Variants in ITGA8 observed in about 807,000 individuals in gnomAD.
ITGA8 encodes the protein integrin subunit alpha 8.
A neutral mutation model predicts 142.3 loss-of-function variants in ITGA8; 91 were observed. The observed-to-expected ratio is 0.64, with a 90% CI of 0.54 to 0.76. ITGA8 has a LOEUF of 0.76. Among genes scored for constraint, ITGA8 ranks in the 30% least tolerant of loss-of-function variants. The pLI, the probability that ITGA8 is intolerant of heterozygous loss-of-function variation, is 0.00. For synonymous variants in ITGA8, 505 were observed against 485.2 expected, an observed-to-expected ratio of 1.04 and a Z score of -0.54; for missense variants, 1,406 against 1,327.7, an observed-to-expected ratio of 1.06 and a Z score of -0.92.
chr10:15,548,786 G>A (rs568991627), intron 26 of ITGA8, among the ~76,000 whole-genome samples: 2 of 152,182 alleles, frequency 1.3e-5, no homozygotes, highest in African/African-American at 2.4e-5. Flanking sequence ...AGCTCTTTTC[G>A]AACGACTTTA....
intron 2 of ITGA8, among the ~76,000 whole-genome samples, chr10:15,691,396 GTTCAT>G (rs1834931164): frequency 1.3e-5 from 2 of 152,200 alleles, no homozygotes; most frequent in African/African-American, 2.4e-5. Flanking sequence ...GCACCCCCAT[GTTCAT>G]GGCAGCACTG....
At chr10:15,647,079 C>A (rs761173685) in intron 11 of ITGA8, 28 bp from the exon 12 acceptor site, 25 of 1,556,334 alleles carry the variant, frequency 1.6e-5, no homozygotes, top group Non-Finnish European at 2.1e-5. Context: ...AGCAGCTCAG[C>A]ACGCTAGCAG....
chr10:15,558,563 G>A lies in ITGA8; in HGVS notation c.2638-361C>T, dbSNP rs563250334. Among the ~76,000 whole-genome samples the A allele has an allele frequency of 3.3e-5, 5 of 152,244 alleles. 1 individual carries two copies. In the South Asian group the frequency reaches 6.2e-4, roughly 19 times the overall value. On this transcript the variant is annotated intron_variant, in intron 25 of 29. Transcript: ENST00000378076. Reference sequence around the variant, plus strand: ...ATTACTTTCCTCTCATTGTAGAGTGGGGCCAGTTAAACTGAGGAACGTTCT... The same window carrying A: ...ATTACTTTCCTCTCATTGTAGAGTGAGGCCAGTTAAACTGAGGAACGTTCT...
chr10:15,686,818 G>A (rs952991374), intron 3 of ITGA8, among the ~76,000 whole-genome samples: 12 of 151,916 alleles, frequency 7.9e-5, no homozygotes, highest in South Asian at 2.1e-4. Context: ...TTATGAACAC[G>A]GTGTATTATT....
intron 13 of ITGA8, among the ~76,000 whole-genome samples, chr10:15,622,976 A>C (rs951689982): frequency 1.3e-5 from 2 of 152,168 alleles, no homozygotes; most frequent in Non-Finnish European, 2.9e-5. Context: ...TAGAGAGCAG[A>C]GGTATGCTTA....
intron 25 of ITGA8, among the ~76,000 whole-genome samples, chr10:15,570,497 CT>C (rs547232773): frequency 2.3e-3 from 346 of 151,394 alleles, no homozygotes; most frequent in Non-Finnish European, 4.0e-3. Flanking sequence ...GTAATCCCAG[CT>C]ACTTGGGAGG....
chr10:15,600,896 A>G (rs1298164354), intron 20 of ITGA8, among the ~76,000 whole-genome samples: 1 of 152,120 alleles, frequency 6.6e-6, no homozygotes, highest in Non-Finnish European at 1.5e-5. Context: ...GGCTGGCATC[A>G]CTTTAGGTAT....
intron 27 of ITGA8, among the ~76,000 whole-genome samples, chr10:15,532,752 C>T (rs1220998381): frequency 6.6e-6 from 1 of 151,744 alleles, no homozygotes; most frequent in Non-Finnish European, 1.5e-5. Context: ...CATTTCAAGA[C>T]TTTTGGGTGC....
intron 21 of ITGA8, among the ~76,000 whole-genome samples, chr10:15,592,759 C>G (rs143079827): frequency 7.9e-5 from 12 of 152,138 alleles, no homozygotes; most frequent in Non-Finnish European, 1.5e-4. Flanking sequence ...TGCACACCAC[C>G]ACACCTGGTT....
At chr10:15,614,311 C>T (rs1833355462) in intron 14 of ITGA8, among the ~76,000 whole-genome samples, 1 of 152,238 alleles carries the variant, frequency 6.6e-6, no homozygotes, top group African/African-American at 2.4e-5. Flanking sequence ...GCAGGGTTTG[C>T]AGAATAATTC....
chr10:15,701,953 T>A (rs1287213610), intron 2 of ITGA8, among the ~76,000 whole-genome samples: 1 of 152,216 alleles, frequency 6.6e-6, no homozygotes, highest in African/African-American at 2.4e-5. Context: ...AATACTCGTA[T>A]GTATAATTCA....
At chr10:15,546,224 C>T (rs1201223151) in intron 27 of ITGA8, among the ~76,000 whole-genome samples, 1 of 152,202 alleles carries the variant, frequency 6.6e-6, no homozygotes, top group Non-Finnish European at 1.5e-5. Context: ...CTTCCCGGCA[C>T]TGATGCATCT....
intron 2 of ITGA8, among the ~76,000 whole-genome samples, chr10:15,707,681 T>C (rs1475795151): frequency 2.0e-5 from 3 of 151,520 alleles, no homozygotes; most frequent in Admixed American, 6.6e-5. Flanking sequence ...AAATTAGCCA[T>C]GTGTGGTGGT....
intron 13 of ITGA8, among the ~76,000 whole-genome samples, chr10:15,638,835 T>C (rs1197939533): frequency 1.3e-5 from 2 of 152,060 alleles, no homozygotes; most frequent in Non-Finnish European, 2.9e-5. Flanking sequence ...GTGAGTAAAT[T>C]TTAAAAGGAT....
rs189327679 is a variant in ITGA8, at chr10:15,623,530, A to G, written c.1400-6971T>C. Among the ~76,000 whole-genome samples the G allele has an allele frequency of 1.4e-3, 213 of 152,186 alleles. 1 individual carries two copies. Among genetic ancestry groups the G allele is most frequent in the Admixed American group, 2.6e-3 (40 of 15,282 alleles). On this transcript the variant is annotated intron_variant, in intron 13 of 29. Coordinates refer to ENST00000378076, the MANE Select transcript of ITGA8 (RefSeq NM_003638.3). The stretch of plus-strand genomic sequence containing the variant: ...GCAAAACCCCATCTCTACAAAAAAT[A>G]CAAAAATTAGCCTGGTGTGGTGGCA...
At chr10:15,565,912 A>G (rs1263026999) in intron 25 of ITGA8, among the ~76,000 whole-genome samples, 1 of 151,728 alleles carries the variant, frequency 6.6e-6, no homozygotes, top group Non-Finnish European at 1.5e-5. Context: ...TTTTAAGGGT[A>G]TGTGTGTGTG....
chr10:15,563,398 A>G (rs73600736), intron 25 of ITGA8, among the ~76,000 whole-genome samples: 8,470 of 152,262 alleles, frequency 0.056, 756 homozygotes, highest in African/African-American at 0.19. Flanking sequence ...TATGTTTTCT[A>G]TCATATACTA....
chr10:15,532,287 C>T (rs942054580), intron 27 of ITGA8, among the ~76,000 whole-genome samples: 1 of 151,666 alleles, frequency 6.6e-6, no homozygotes, highest in Admixed American at 6.6e-5. Context: ...GGCATGGTGG[C>T]GGGTCCCTAT....
At chr10:15,630,086 G>A (rs1833658360) in intron 13 of ITGA8, among the ~76,000 whole-genome samples, 2 of 152,060 alleles carry the variant, frequency 1.3e-5, no homozygotes. Context: ...CAGAACTAGG[G>A]TCAAGGGTTA....
Sources: allele counts gnomAD v4.1 joint callset (sites outside exome capture counted in the v4.1 genomes callset), GRCh38; gene constraint gnomAD v4.1.1; transcripts MANE v1.5; gene names NCBI Gene and HGNC (gene_info 2026-07-23, HGNC 2026-07-21).